The following DLG2 variants were observed in gnomAD, a reference collection of about 807,000 sequenced individuals.
DLG2 encodes the protein disks large homolog 2.
DLG2 carries 45 observed loss-of-function variants against 132.5 expected under a neutral mutation model. The observed-to-expected ratio is 0.34, with a 90% confidence interval of 0.27 to 0.44. The LOEUF (loss-of-function observed/expected upper bound fraction) is 0.44. Ranked by LOEUF, DLG2 falls within the 20% of genes least tolerant of loss-of-function variation. DLG2 has a pLI of 1.00. For missense variants in DLG2, 1,045 were observed against 1,196.9 expected (o/e 0.87, Z 1.87); for synonymous variants, 424 against 419.6 (o/e 1.01, Z -0.13).
chr11:83,879,458 G>A (rs912121469), intron 15 of DLG2, among the ~76,000 whole-genome samples: 5 of 151,822 alleles, frequency 3.3e-5, no homozygotes, highest in African/African-American at 9.7e-5. Flanking sequence ...TTGCATATTT[G>A]TATCCATCAT....
At chr11:84,595,974 G>A (rs970647749) in intron 6 of DLG2, among the ~76,000 whole-genome samples, 7 of 152,084 alleles carry the variant, frequency 4.6e-5, no homozygotes, top group Non-Finnish European at 8.8e-5. Context: ...TTAAAGGTAA[G>A]AGCTAAAGGA....
At chr11:85,458,656 G>A (rs942619869) in intron 3 of DLG2, among the ~76,000 whole-genome samples, 1 of 152,148 alleles carries the variant, frequency 6.6e-6, no homozygotes, top group Non-Finnish European at 1.5e-5. Context: ...ATTTGTAGTT[G>A]AATTCTTTTT....
chr11:83,911,086 T>C (rs141420466), intron 15 of DLG2, among the ~76,000 whole-genome samples: 422 of 152,144 alleles, frequency 2.8e-3, no homozygotes, highest in African/African-American at 8.3e-3. Flanking sequence ...GTAGAAGTGC[T>C]CAAGAAAAAA....
chr11:84,273,226 C>T lies in DLG2; in HGVS notation c.520-21935G>A, dbSNP rs11233975. ...TAGTATCCCACAAAAGCTGATAATT[C>T]TCAGCCCGAGAAACACTTGGCCGTT... is the stretch of plus-strand genomic sequence containing the variant. On this transcript the variant is annotated intron_variant, in intron 7 of 27. Transcript: ENST00000376104. The T allele has an allele frequency of 7.7e-6, 12 of 1,554,130 alleles. 1 individual carries two copies. In the South Asian group the frequency reaches 1.4e-4, roughly 19 times the overall value.
chr11:83,585,932 G>C (rs994727254), intron 19 of DLG2, among the ~76,000 whole-genome samples: 3 of 152,160 alleles, frequency 2.0e-5, no homozygotes, highest in African/African-American at 7.2e-5. Context: ...AAAGAGAAGA[G>C]ATAGAAGAAA....
At chr11:85,354,574 G>A (rs1278234607) in intron 3 of DLG2, among the ~76,000 whole-genome samples, 3 of 151,682 alleles carry the variant, frequency 2.0e-5, no homozygotes, top group African/African-American at 7.3e-5. Flanking sequence ...GATAGCAAAT[G>A]TGCCACATCT....
chr11:84,724,561 AC>A (rs2062188898), intron 6 of DLG2, among the ~76,000 whole-genome samples: 1 of 152,130 alleles, frequency 6.6e-6, no homozygotes, highest in African/African-American at 2.4e-5. Flanking sequence ...ACAATTCAGG[AC>A]TTTTTTCTGC....
intron 6 of DLG2, among the ~76,000 whole-genome samples, chr11:84,681,500 T>C (rs2099729874): frequency 6.6e-6 from 1 of 152,168 alleles, no homozygotes; most frequent in Non-Finnish European, 1.5e-5. Flanking sequence ...CCGGTTTCAG[T>C]ATTTGAACAT....
chr11:84,970,851 C>A (rs2054002852), intron 6 of DLG2, among the ~76,000 whole-genome samples: 1 of 152,068 alleles, frequency 6.6e-6, no homozygotes, highest in Non-Finnish European at 1.5e-5. Flanking sequence ...GGTATATTAA[C>A]CATAGCAGGG....
chr11:85,541,425 T>TA (rs2075965493), intron 3 of DLG2, among the ~76,000 whole-genome samples: 1 of 151,468 alleles, frequency 6.6e-6, no homozygotes, highest in Non-Finnish European at 1.5e-5. Flanking sequence ...AAACTAGGCC[T>TA]AAAAAAGTTA....
At chr11:84,699,562 C>G (rs1286735431) in intron 6 of DLG2, among the ~76,000 whole-genome samples, 2 of 151,410 alleles carry the variant, frequency 1.3e-5, no homozygotes, top group Non-Finnish European at 3.0e-5. Flanking sequence ...TTCCAACATT[C>G]TAAAAGAATT....
chr11:83,980,741 T>C, intron 11 of DLG2, 99 bp from the exon 12 acceptor site: 1 of 1,193,960 alleles, frequency 8.4e-7, no homozygotes, highest in Non-Finnish European at 1.1e-6. Flanking sequence ...TAAAAATGAA[T>C]CCTCAACTTA....
At chr11:83,972,257 C>G (rs1276649312) in intron 12 of DLG2, among the ~76,000 whole-genome samples, 1 of 151,970 alleles carries the variant, frequency 6.6e-6, no homozygotes, top group African/African-American at 2.4e-5. Context: ...CCTAGTTTCA[C>G]GAATTTAAGT....
chr11:84,418,913 T>C (rs1250991075), intron 7 of DLG2, among the ~76,000 whole-genome samples: 1 of 152,230 alleles, frequency 6.6e-6, no homozygotes, highest in Non-Finnish European at 1.5e-5. Context: ...TCTCTATTTT[T>C]AGACTGGAAT....
At chr11:83,615,682 A>C (rs767555938) in intron 19 of DLG2, among the ~76,000 whole-genome samples, 55 of 152,252 alleles carry the variant, frequency 3.6e-4, no homozygotes, top group African/African-American at 9.4e-4. Flanking sequence ...GAAGCACTCA[A>C]CTTGCAATTG....
At chr11:84,470,789 C>T (rs947060737) in intron 7 of DLG2, among the ~76,000 whole-genome samples, 15 of 151,670 alleles carry the variant, frequency 9.9e-5, no homozygotes, top group Admixed American at 9.2e-4. Flanking sequence ...TTATGGAGGG[C>T]AAATTGGAAA....
chr11:83,660,034 C>CTCA (rs762350414), intron 18 of DLG2, among the ~76,000 whole-genome samples: 2 of 152,114 alleles, frequency 1.3e-5, no homozygotes, highest in African/African-American at 2.4e-5. Flanking sequence ...TACAAATAAA[C>CTCA]GTTGTATAGC....
At chr11:85,440,342 A>G (rs2091714566) in intron 3 of DLG2, among the ~76,000 whole-genome samples, 1 of 152,230 alleles carries the variant, frequency 6.6e-6, no homozygotes, top group Non-Finnish European at 1.5e-5. Context: ...GTGATAACAT[A>G]TTTAAGATGT....
intron 11 of DLG2, among the ~76,000 whole-genome samples, chr11:84,029,362 A>G (rs1224338771): frequency 6.6e-6 from 1 of 152,120 alleles, no homozygotes; most frequent in Non-Finnish European, 1.5e-5. Context: ...ACCATACAGA[A>G]GCAAAGGACA....
Sources: gnomAD v4.1 joint callset for allele counts (sites outside exome capture counted in the v4.1 genomes callset) on GRCh38, gnomAD v4.1.1 for gene constraint, MANE v1.5 for transcripts, NCBI Gene and HGNC (gene_info 2026-07-23, HGNC 2026-07-21) for gene names.